Variants in PIK3C2G observed in about 807,000 individuals in gnomAD.
The protein encoded by PIK3C2G is phosphatidylinositol-4-phosphate 3-kinase catalytic subunit type 2 gamma.
PIK3C2G carries 168 observed loss-of-function variants against 181.1 expected under a neutral mutation model. That is an observed-to-expected ratio of 0.93 (90% CI 0.82 to 1.05). The LOEUF (loss-of-function observed/expected upper bound fraction) is 1.05. Ranked by LOEUF, PIK3C2G falls within the 50% of genes least tolerant of loss-of-function variation. The pLI, the probability that PIK3C2G is intolerant of heterozygous loss-of-function variation, is 0.00. For synonymous variants in PIK3C2G, 573 were observed against 592.2 expected, an observed-to-expected ratio of 0.97 and a Z score of 0.47; for missense variants, 1,869 against 1,732.8, an observed-to-expected ratio of 1.08 and a Z score of -1.40.
chr12:18,267,394 T>G (rs1469560663), intron 1 of PIK3C2G, among the ~76,000 whole-genome samples: 1 of 152,232 alleles, frequency 6.6e-6, no homozygotes, highest in Non-Finnish European at 1.5e-5. Context: ...CTACTGTTTT[T>G]ATAATAATTA....
chr12:18,337,165 C>T (rs1456824074), intron 8 of PIK3C2G, among the ~76,000 whole-genome samples: 1 of 152,058 alleles, frequency 6.6e-6, no homozygotes, highest in Non-Finnish European at 1.5e-5. Context: ...AATATAAAAA[C>T]ATTGTAGAGT....
At chr12:18,544,645 C>T (rs1339284785) in intron 25 of PIK3C2G, among the ~76,000 whole-genome samples, 1 of 151,354 alleles carries the variant, frequency 6.6e-6, no homozygotes, top group Non-Finnish European at 1.5e-5. Flanking sequence ...GCAGTGGTGG[C>T]AGTGTAAATG....
chr12:18,601,071 A>C (rs1189086539), intron 30 of PIK3C2G, among the ~76,000 whole-genome samples: 1 of 152,074 alleles, frequency 6.6e-6, no homozygotes, highest in East Asian at 1.9e-4. Flanking sequence ...ATAAAATATT[A>C]GCCAAAATAA....
At chr12:18,499,820 G>A (rs1303871333) in intron 22 of PIK3C2G, among the ~76,000 whole-genome samples, 1 of 152,224 alleles carries the variant, frequency 6.6e-6, no homozygotes, top group Non-Finnish European at 1.5e-5. Flanking sequence ...CTTAAAGTGT[G>A]AACCACAGAC....
At chr12:18,703,160 T>C in the PIK3C2G span, among the ~76,000 whole-genome samples, 2 of 152,184 alleles carry the variant, frequency 1.3e-5, no homozygotes, top group Admixed American at 6.5e-5. Flanking sequence ...TCTTTGATGA[T>C]ATGTTTCGAA....
At chr12:18,338,365 T>C in intron 8 of PIK3C2G, 61 bp from the exon 9 acceptor site, 1 of 1,279,856 alleles carries the variant, frequency 7.8e-7, no homozygotes, top group East Asian at 2.4e-5. Context: ...AGTTTGAGGA[T>C]AAATTAATGT....
chr12:18,244,377 T>A (rs1271615977), upstream of PIK3C2G, among the ~76,000 whole-genome samples: 3 of 152,010 alleles, frequency 2.0e-5, no homozygotes, highest in African/African-American at 7.2e-5. Flanking sequence ...ATATGTTAGA[T>A]TGTTTAATAA....
At chr12:18,500,342 G>A (rs187406308) in intron 22 of PIK3C2G, among the ~76,000 whole-genome samples, 114 of 152,244 alleles carry the variant, frequency 7.5e-4, no homozygotes, top group African/African-American at 2.6e-3. Context: ...GCCCACCAGC[G>A]CTGCGCTGGA....
intron 24 of PIK3C2G, among the ~76,000 whole-genome samples, chr12:18,515,118 T>C (rs1942450734): frequency 6.6e-6 from 1 of 151,970 alleles, no homozygotes; most frequent in Non-Finnish European, 1.5e-5. Context: ...CTTTTTAATG[T>C]GTTGTTGAAT....
chr12:18,427,447 G>A (rs1945889762), intron 18 of PIK3C2G, among the ~76,000 whole-genome samples: 1 of 147,272 alleles, frequency 6.8e-6, no homozygotes, highest in East Asian at 2.0e-4. Flanking sequence ...GTTGCAGTGA[G>A]CCGAGATCGC....
At chr12:18,500,178 C>T (rs972404350) in intron 22 of PIK3C2G, among the ~76,000 whole-genome samples, 1 of 152,178 alleles carries the variant, frequency 6.6e-6, no homozygotes, top group Non-Finnish European at 1.5e-5. Flanking sequence ...GGGCTGCGCC[C>T]AGTGCTTGCC....
In PIK3C2G at chr12:18,338,191, G is replaced by A. The variant is rs934625012; in HGVS notation, c.1273-235G>A. 1.7e-4 allele frequency among the ~76,000 whole-genome samples: 26 copies of A among 152,036 alleles called. No individual in the cohort carries two copies. The Middle Eastern group carries it at 0.014, about 80-fold the overall frequency. ...TTTTGTTTCAAGTAATGTCAAATTAGAGCTAAGTTAGTAAGTTAGTGTTAA... is the reference window on the plus strand; with the variant it reads ...TTTTGTTTCAAGTAATGTCAAATTAAAGCTAAGTTAGTAAGTTAGTGTTAA... On this transcript the variant is annotated intron_variant, in intron 8 of 32. Coordinates refer to ENST00000538779, the MANE Select transcript of PIK3C2G (RefSeq NM_001288772.2).
intron 1 of PIK3C2G, among the ~76,000 whole-genome samples, chr12:18,263,118 CTT>C: frequency 6.6e-6 from 1 of 152,096 alleles, no homozygotes; most frequent in African/African-American, 2.4e-5. Context: ...TGATGTGTAT[CTT>C]TGAATTTCTT....
the PIK3C2G span, among the ~76,000 whole-genome samples, chr12:18,701,054 G>A: frequency 6.6e-6 from 1 of 151,040 alleles, no homozygotes; most frequent in Non-Finnish European, 1.5e-5. Context: ...GCTCGATCTC[G>A]GCTCACTGCA....
chr12:18,280,059 TTG>T (rs1211435404), intron 1 of PIK3C2G, among the ~76,000 whole-genome samples: 2 of 152,042 alleles, frequency 1.3e-5, no homozygotes, highest in African/African-American at 4.8e-5. Context: ...CCTTTAAAAA[TTG>T]TTTTTGTCTT....
intron 19 of PIK3C2G, among the ~76,000 whole-genome samples, chr12:18,490,427 T>C (rs1011814956): frequency 3.9e-5 from 6 of 152,172 alleles, no homozygotes; most frequent in African/African-American, 1.4e-4. Flanking sequence ...AAAAAAATTT[T>C]TCTACCATAG....
chr12:18,499,719 G>T (rs1941274247), intron 22 of PIK3C2G, among the ~76,000 whole-genome samples: 1 of 152,110 alleles, frequency 6.6e-6, no homozygotes, highest in Non-Finnish European at 1.5e-5. Flanking sequence ...ATTGCAAAAC[G>T]CTGCTCAGGT....
At chr12:18,525,340 C>G (rs1943166330) in intron 24 of PIK3C2G, among the ~76,000 whole-genome samples, 1 of 151,846 alleles carries the variant, frequency 6.6e-6, no homozygotes, top group Non-Finnish European at 1.5e-5. Flanking sequence ...TGCAGTGAAC[C>G]AAGATTGCAC....
chr12:18,397,730 T>C (rs59442278), intron 15 of PIK3C2G, among the ~76,000 whole-genome samples: 15,615 of 152,094 alleles, frequency 0.1, 1,122 homozygotes, highest in Admixed American at 0.25. Context: ...CTTGTAAAGA[T>C]AAATACCTAA....
Sources: allele counts gnomAD v4.1 joint callset (sites outside exome capture counted in the v4.1 genomes callset), GRCh38; gene constraint gnomAD v4.1.1; transcripts MANE v1.5; gene names NCBI Gene and HGNC (gene_info 2026-07-23, HGNC 2026-07-21).